AKAP9: variants seen among roughly 807,000 people sequenced by gnomAD.
AKAP9 encodes the protein A-kinase anchoring protein 9, also known as A-kinase anchor protein 9.
Under a neutral mutation model 488.5 loss-of-function variants are expected in AKAP9, and 311 were observed. The ratio of observed to expected loss-of-function variants is 0.64; its 90% CI spans 0.58 to 0.70. The LOEUF is 0.70. Ranked by LOEUF, AKAP9 falls within the 30% of genes least tolerant of loss-of-function variation. The pLI, the probability that AKAP9 is intolerant of heterozygous loss-of-function variation, is 0.00. For missense variants in AKAP9, 4,215 were observed against 4,374.5 expected (o/e 0.96, Z 1.03); for synonymous variants, 1,462 against 1,483.5 (o/e 0.99, Z 0.33).
At position 92,052,910 on chromosome 7, in the gene AKAP9, A is replaced by G. The variant is rs1198316141; in HGVS notation, c.5553A>G (p.Gln1851=). The change falls in exon 22 of 50, where the codon CAA becomes CAG. Residue 1851 remains glutamine (Q), a synonymous_variant. Transcript: ENST00000356239. ...TGCTGAACATTAGCTCTCGACTACA[A>G]GCAGCAGTTGAAAAACTCCTAGAAG... ...ELMLNISSRL[Q]AAVEKLLEAI... 3.1e-6 allele frequency: 5 copies of G among 1,613,876 alleles called. No individual in the cohort carries two copies. The highest frequency in any genetic ancestry group is 4.2e-6 in the Non-Finnish European group (5 of 1,179,838).
chr7:92,045,732 A>G (rs1283761261), intron 21 of AKAP9, among the ~76,000 whole-genome samples: 1 of 152,034 alleles, frequency 6.6e-6, no homozygotes, highest in Non-Finnish European at 1.5e-5. Context: ...AATATTACAC[A>G]ATGTGTATGG....
chr7:92,061,365 C>G lies in AKAP9; in HGVS notation c.5707C>G (p.Leu1903Val). Residue 1903 changes from leucine to valine, a missense_variant, in exon 23 of 50, where the codon CTT becomes GTT. Transcript: ENST00000356239. The part of the protein sequence containing the change: ...LKCQEELRER[L>V]HEESRAREQL... ...GTGCCAAGAGGAACTTCGAGAGCGC[C>G]TTCATGAGGAGTCCAGGGCCAGAGA... The G allele has an allele frequency of 6.2e-7, 1 of 1,612,944 alleles. No homozygotes were observed. The highest frequency in any genetic ancestry group is 8.5e-7 in the Non-Finnish European group (1 of 1,179,444).
At chr7:92,104,813 G>C (rs1453393414) in intron 46 of AKAP9, among the ~76,000 whole-genome samples, 2 of 152,126 alleles carry the variant, frequency 1.3e-5, no homozygotes, top group African/African-American at 4.8e-5. Flanking sequence ...GTAAGTGCTG[G>C]TAGATGCATT....
intron 14 of AKAP9, among the ~76,000 whole-genome samples, chr7:92,027,504 A>G (rs1368064754): frequency 5.5e-4 from 59 of 107,148 alleles, no homozygotes; most frequent in Admixed American, 1.5e-3. Flanking sequence ...CCCTCTGCCC[A>G]GCCGCCCTTC....
Position 92,022,334 on chromosome 7 carries a change from A to C in AKAP9, c.3934A>C (p.Thr1312Pro), listed in dbSNP as rs139337441. ...TEFLSIHSQM[T>P]NLEDIDVNHK... ...GTTTTTATCAATCCATTCTCAGATG[A>C]CCAATTTGGAAGACATTGGTAAATT... is the stretch of plus-strand genomic sequence containing the variant. Residue 1312 changes from threonine (T) to proline (P), a missense_variant, in exon 13 of 50, where the codon ACC (threonine) becomes CCC (proline). Physicochemically the swap from Thr to Pro is conservative, Grantham distance 38. Coordinates refer to ENST00000356239, the MANE Select transcript of AKAP9 (RefSeq NM_005751.5). The C allele has an allele frequency of 1.9e-5, 31 of 1,608,656 alleles. No individual in the cohort carries two copies. In the African/African-American group the frequency reaches 4.0e-4, roughly 21 times the overall value.
chr7:92,008,238 G>A (rs947828441), intron 8 of AKAP9, among the ~76,000 whole-genome samples: 5 of 151,948 alleles, frequency 3.3e-5, no homozygotes, highest in African/African-American at 7.3e-5. Flanking sequence ...ATGGGGGCGC[G>A]TGCCTGTAAT....
intron 16 of AKAP9, 70 bp downstream of exon 16, chr7:92,031,674 A>AT: frequency 8.5e-7 from 1 of 1,171,346 alleles, no homozygotes; most frequent in Middle Eastern, 1.9e-4. Flanking sequence ...AAGAACATAG[A>AT]TTTTATCGAT....
intron 40 of AKAP9, among the ~76,000 whole-genome samples, chr7:92,095,852 G>A (rs1490679382): frequency 6.6e-6 from 1 of 152,152 alleles, no homozygotes; most frequent in Non-Finnish European, 1.5e-5. Flanking sequence ...CTGCCCGGCA[G>A]GGACATGATA....
At chr7:92,007,287 T>G (rs1488928309) in intron 8 of AKAP9, among the ~76,000 whole-genome samples, 1 of 43,870 alleles carries the variant, frequency 2.3e-5, no homozygotes, top group African/African-American at 1.1e-4. Flanking sequence ...AATTCTTTTT[T>G]TTTTTTTTTT....
intron 42 of AKAP9, 46 bp from the exon 43 acceptor site, chr7:92,098,063 C>A: frequency 7.9e-7 from 1 of 1,265,044 alleles, no homozygotes; most frequent in Non-Finnish European, 1.2e-6. Flanking sequence ...TAGTAAACAC[C>A]CCCAATTGAG....
intron 21 of AKAP9, among the ~76,000 whole-genome samples, chr7:92,046,023 A>T (rs1794842210): frequency 6.6e-6 from 1 of 151,652 alleles, no homozygotes. Flanking sequence ...TAGTAGAGAC[A>T]GGATTTTACC....
intron 22 of AKAP9, 66 bp downstream of exon 22, chr7:92,053,024 C>A: frequency 7.5e-7 from 1 of 1,340,628 alleles, no homozygotes; most frequent in Non-Finnish European, 1.1e-6. Context: ...ACTCTCTCGA[C>A]TGAGCTAATT....
At chr7:92,013,599 A>G (rs1316722388) in intron 9 of AKAP9, among the ~76,000 whole-genome samples, 1 of 152,206 alleles carries the variant, frequency 6.6e-6, no homozygotes, top group East Asian at 1.9e-4. Flanking sequence ...TTAAGCAACT[A>G]AAGCTGTCCT....
At chr7:92,101,420 G>C (rs1257489716) in intron 45 of AKAP9, among the ~76,000 whole-genome samples, 2 of 146,838 alleles carry the variant, frequency 1.4e-5, no homozygotes, top group South Asian at 2.2e-4. Context: ...CTGGGCCACA[G>C]AGTGAGACTC....
rs74746725 is a variant in AKAP9 at position 92,022,868 on chromosome 7, T to A, written c.4007T>A (p.Leu1336His). Reference protein sequence around the residue: ...SSLQDLEKTKLEEQVQELESL... With the variant: ...SSLQDLEKTKHEEQVQELESL... ...CTGCAAGATCTTGAAAAAACTAAAC[T>A]TGAAGAACAAGTTCAAGAATTAGAA... The change falls in exon 14 of 50, where the codon CTT becomes CAT. Residue 1336 changes from leucine to histidine, a missense_variant. Around this residue, in one of 5 missense-constraint regions of AKAP9, gnomAD observed 2,361 missense variants for 2,430.0 expected, o/e 0.97. Transcript: ENST00000356239. 1 of 1,442,840 alleles carries A rather than the reference T, an allele frequency of 6.9e-7. No homozygotes were observed. Among genetic ancestry groups the A allele is most frequent in the African/African-American group, 1.7e-5 (1 of 60,048 alleles). 89.4% of individuals were successfully genotyped at this position (1,442,840 alleles called of 1,614,324 possible). A position where few individuals can be genotyped will look rare whatever the true frequency, so the allele number is the denominator to read the frequency against.
Position 92,070,976 on chromosome 7 carries a change from T to G in AKAP9, c.6579T>G (p.Ala2193=). 6.2e-7 allele frequency: 1 copy of G among 1,613,982 alleles called. No homozygotes were observed. Among genetic ancestry groups the G allele is most frequent in the Non-Finnish European group, 8.5e-7 (1 of 1,179,908 alleles). Residue 2193 remains alanine, a synonymous_variant, in exon 28 of 50, where the codon GCT becomes GCG. Coordinates refer to ENST00000356239, the MANE Select transcript of AKAP9 (RefSeq NM_005751.5). ...PELSLEVQLQ[A]ERDAIDRKEK... is the part of the protein sequence containing the mutation. ...TGTCCCTAGAAGTACAATTGCAGGC[T>G]GAACGAGATGCCATAGACAGAAAGG...
Position 92,045,168 on chromosome 7 carries a change from G to A in AKAP9, c.5323G>A (p.Ala1775Thr). 6.2e-7 allele frequency: 1 copy of A among 1,613,830 alleles called. No homozygotes were observed. The highest frequency in any genetic ancestry group is 8.5e-7 in the Non-Finnish European group (1 of 1,179,962). Residue 1775 changes from alanine (A) to threonine (T), a missense_variant, in exon 21 of 50, where the codon GCA (alanine) becomes ACA (threonine). Physicochemically the swap from Ala to Thr is moderately conservative, Grantham distance 58 (BLOSUM62 0). This residue lies in a region of AKAP9 where 2,361 missense variants were observed against 2,430.0 expected (regional missense o/e 0.97). Coordinates refer to ENST00000356239, the MANE Select transcript of AKAP9 (RefSeq NM_005751.5). ...SSASLIWRSE[A>T]EASVKSCVHE... is the part of the protein sequence containing the mutation. ...TGCCAGCCTAATTTGGAGGTCAGAA[G>A]CAGAGGCATCTGTAAAGTCATGTGT...
chr7:91,978,015 G>A (rs758871267), intron 2 of AKAP9, among the ~76,000 whole-genome samples: 2 of 152,094 alleles, frequency 1.3e-5, no homozygotes, highest in African/African-American at 4.8e-5. Flanking sequence ...GCTGAGGTGG[G>A]CAGATCGCTA....
At chr7:92,057,727 A>G (rs1809033246) in intron 22 of AKAP9, 1 of 221,656 alleles carries the variant, frequency 4.5e-6, no homozygotes, top group Admixed American at 5.8e-5. Flanking sequence ...CTTCCCTGCC[A>G]GGTTCTGCTT....
Sources: gnomAD v4.1 joint callset for allele counts (sites outside exome capture counted in the v4.1 genomes callset) on GRCh38, gnomAD v4.1.1 for gene constraint, gnomAD v4.1.1 regional missense constraint, MANE v1.5 for transcripts, NCBI Gene and HGNC (gene_info 2026-07-23, HGNC 2026-07-21) for gene names.